Variants in GABBR2 observed in about 807,000 individuals in gnomAD.
GABBR2 encodes the protein gamma-aminobutyric acid type B receptor subunit 2, also known as G-protein coupled receptor 51.
GABBR2 carries 23 observed loss-of-function variants against 105.6 expected under a neutral mutation model. The ratio of observed to expected loss-of-function variants is 0.22; its 90% CI spans 0.16 to 0.31. GABBR2 has a LOEUF of 0.31. Ranked by LOEUF, GABBR2 falls within the 10% of genes least tolerant of loss-of-function variation. The pLI is 1.00. For missense variants in GABBR2, 734 were observed against 1,245.5 expected (o/e 0.59, Z 6.18); for synonymous variants, 478 against 499.7 (o/e 0.96, Z 0.58).
At chr9:98,349,140 G>T (rs1302698509) in intron 13 of GABBR2, among the ~76,000 whole-genome samples, 1 of 151,760 alleles carries the variant, frequency 6.6e-6, no homozygotes, top group African/African-American at 2.4e-5. Flanking sequence ...ATCATGAAGG[G>T]ATGTTGAATT....
chr9:98,411,990 TTC>T (rs1564057436), intron 7 of GABBR2, among the ~76,000 whole-genome samples: 1 of 152,266 alleles, frequency 6.6e-6, no homozygotes, highest in Non-Finnish European at 1.5e-5. Flanking sequence ...GAAAAACTAA[TTC>T]TCTGTTTTCA....
intron 13 of GABBR2, among the ~76,000 whole-genome samples, chr9:98,313,219 C>T (rs1027267935): frequency 4.6e-5 from 7 of 152,184 alleles, no homozygotes; most frequent in East Asian, 1.9e-4. Flanking sequence ...CTTGGCACAA[C>T]GATTCCAGCA....
At chr9:98,318,689 C>T (rs907474406) in intron 13 of GABBR2, among the ~76,000 whole-genome samples, 13 of 152,210 alleles carry the variant, frequency 8.5e-5, no homozygotes, top group Non-Finnish European at 1.3e-4. Context: ...CAGCCCAGCC[C>T]GGCCCGGCCA....
chr9:98,519,886 A>G (rs1363304935), intron 3 of GABBR2, among the ~76,000 whole-genome samples: 1 of 152,176 alleles, frequency 6.6e-6, no homozygotes, highest in African/African-American at 2.4e-5. Context: ...CATTTGGTCC[A>G]TAGGCCACAG....
intron 3 of GABBR2, among the ~76,000 whole-genome samples, chr9:98,532,951 G>A (rs963948051): frequency 6.6e-6 from 1 of 152,134 alleles, no homozygotes; most frequent in East Asian, 1.9e-4. Flanking sequence ...GCAAGCACGT[G>A]GCAGGTTCCT....
At chr9:98,348,514 T>C (rs550486937) in intron 13 of GABBR2, among the ~76,000 whole-genome samples, 26 of 152,344 alleles carry the variant, frequency 1.7e-4, no homozygotes, top group African/African-American at 6.0e-4. Flanking sequence ...ATCTGTGGAC[T>C]GCCTGGGGCA....
At chr9:98,566,965 C>T (rs565000040) in intron 2 of GABBR2, among the ~76,000 whole-genome samples, 3 of 152,190 alleles carry the variant, frequency 2.0e-5, no homozygotes, top group Non-Finnish European at 2.9e-5. Flanking sequence ...TCCCATTTTA[C>T]ATGTTTGTCC....
intron 1 of GABBR2, among the ~76,000 whole-genome samples, chr9:98,589,858 G>A (rs974003908): frequency 6.6e-6 from 1 of 151,950 alleles, no homozygotes; most frequent in Non-Finnish European, 1.5e-5. Flanking sequence ...GGGACCACAG[G>A]TGCACACCAC....
chr9:98,688,394 C>CATAT (rs34589145), intron 1 of GABBR2, among the ~76,000 whole-genome samples: 5,248 of 140,360 alleles, frequency 0.037, 308 homozygotes, highest in Middle Eastern at 0.093. Flanking sequence ...TATGTGGTTT[C>CATAT]ATATATATAT....
At chr9:98,472,452 C>T (rs755519680) in intron 6 of GABBR2, among the ~76,000 whole-genome samples, 4 of 152,198 alleles carry the variant, frequency 2.6e-5, no homozygotes, top group African/African-American at 9.7e-5. Flanking sequence ...TGCTCACAGT[C>T]GTGACAGCAT....
At chr9:98,359,105 G>C (rs2131439001) in intron 13 of GABBR2, among the ~76,000 whole-genome samples, 1 of 152,266 alleles carries the variant, frequency 6.6e-6, no homozygotes, top group South Asian at 2.1e-4. Context: ...ACAGTACCTG[G>C]CACATGACGA....
rs774295640 is a variant in GABBR2 at position 98,531,657 on chromosome 9, G to T, written c.630+10216C>A. Among the ~76,000 whole-genome samples, 27 of 152,238 alleles carry T rather than the reference G, an allele frequency of 1.8e-4. 1 individual carries two copies. The highest frequency in any genetic ancestry group is 2.4e-5 in the African/African-American group (1 of 41,468). ...TGGGTAGGACAGAGCACTGCTAGTGGGCTGCACTTCCCACAGGGAACATTC... is the reference window on the plus strand; with the variant it reads ...TGGGTAGGACAGAGCACTGCTAGTGTGCTGCACTTCCCACAGGGAACATTC... On this transcript the variant is annotated intron_variant, in intron 3 of 18. Coordinates refer to ENST00000259455, the MANE Select transcript of GABBR2 (RefSeq NM_005458.8).
chr9:98,684,402 T>C (rs1564151119), intron 1 of GABBR2, among the ~76,000 whole-genome samples: 2 of 152,192 alleles, frequency 1.3e-5, no homozygotes, highest in African/African-American at 4.8e-5. Flanking sequence ...AAAACACTAC[T>C]AGTTATCTTT....
At position 98,453,183 on chromosome 9, in the gene GABBR2, C is replaced by T. The variant is rs562162712; in HGVS notation, c.1236+798G>A. On this transcript the variant is annotated intron_variant, in intron 7 of 18. Transcript: ENST00000259455. Reference sequence around the variant, plus strand: ...CTGGGATTACGGGCATGTGCCACCACGCCCAGCTAATTTTGTATTTTTAGT... The same window carrying T: ...CTGGGATTACGGGCATGTGCCACCATGCCCAGCTAATTTTGTATTTTTAGT... 1.1e-4 allele frequency among the ~76,000 whole-genome samples: 16 copies of T among 152,276 alleles called. No individual in the cohort carries two copies. In the South Asian group the frequency reaches 1.7e-3, roughly 16 times the overall value.
intron 1 of GABBR2, among the ~76,000 whole-genome samples, chr9:98,585,385 G>C (rs903796386): frequency 4.7e-5 from 7 of 149,490 alleles, no homozygotes; most frequent in African/African-American, 1.7e-4. Context: ...GCAAACTATC[G>C]CAAGGACAAA....
chr9:98,416,625 G>C (rs1260198217), intron 7 of GABBR2, among the ~76,000 whole-genome samples: 1 of 152,236 alleles, frequency 6.6e-6, no homozygotes, highest in African/African-American at 2.4e-5. Context: ...GTCCCTTTGA[G>C]GGGCCATCAG....
chr9:98,424,743 GA>G (rs1339074863), intron 7 of GABBR2, among the ~76,000 whole-genome samples: 1 of 152,022 alleles, frequency 6.6e-6, no homozygotes, highest in Non-Finnish European at 1.5e-5. Context: ...TTGCTTCAAA[GA>G]GAATAAAATA....
chr9:98,439,228 T>C (rs1475460817), intron 7 of GABBR2, among the ~76,000 whole-genome samples: 1 of 152,176 alleles, frequency 6.6e-6, no homozygotes, highest in Admixed American at 6.5e-5. Context: ...GCTACCGTGG[T>C]TCCTTCTTGG....
intron 7 of GABBR2, among the ~76,000 whole-genome samples, chr9:98,431,760 A>G (rs1825813087): frequency 6.6e-6 from 1 of 152,034 alleles, no homozygotes; most frequent in Non-Finnish European, 1.5e-5. Flanking sequence ...CAGTGGTGCA[A>G]TCTCATCTCA....
Sources: gnomAD v4.1 joint callset for allele counts (sites outside exome capture counted in the v4.1 genomes callset) on GRCh38, gnomAD v4.1.1 for gene constraint, MANE v1.5 for transcripts, NCBI Gene and HGNC (gene_info 2026-07-23, HGNC 2026-07-21) for gene names.